PARN: variants seen among roughly 807,000 people sequenced by gnomAD.
The protein encoded by PARN is poly(A)-specific ribonuclease PARN.
PARN carries 71 observed loss-of-function variants against 102.8 expected under a neutral mutation model. The ratio of observed to expected loss-of-function variants is 0.69; its 90% CI spans 0.57 to 0.84. The LOEUF is 0.84. Ranked by LOEUF, PARN falls within the 40% of genes least tolerant of loss-of-function variation. PARN has a pLI of 0.00. For missense variants in PARN, 782 were observed against 760.9 expected, an observed-to-expected ratio of 1.03 and a Z score of -0.33; for synonymous variants, 261 against 252.9, an observed-to-expected ratio of 1.03 and a Z score of -0.30.
chr16:14,622,948 A>G (rs548482357), intron 5 of PARN, among the ~76,000 whole-genome samples: 73 of 152,212 alleles, frequency 4.8e-4, no homozygotes, highest in African/African-American at 1.8e-3. Context: ...TACAAAAAAT[A>G]CAAAAATTAG....
At chr16:14,614,461 C>A (rs145780302) in intron 6 of PARN, among the ~76,000 whole-genome samples, 1 of 152,200 alleles carries the variant, frequency 6.6e-6, no homozygotes, top group Non-Finnish European at 1.5e-5. Context: ...TTATAACACA[C>A]CAAAGCCAAG....
chr16:14,527,250 A>C (rs1260560779), intron 21 of PARN, among the ~76,000 whole-genome samples: 1 of 152,218 alleles, frequency 6.6e-6, no homozygotes, highest in Non-Finnish European at 1.5e-5. Flanking sequence ...GACATGATAA[A>C]TTGAGTTCCC....
chr16:14,571,644 T>C (rs1424992679), intron 18 of PARN, among the ~76,000 whole-genome samples: 1 of 152,184 alleles, frequency 6.6e-6, no homozygotes, highest in East Asian at 1.9e-4. Context: ...GTCAGAGAAG[T>C]GTCTCAAACT....
chr16:14,483,633 T>C (rs1244119717), intron 21 of PARN, among the ~76,000 whole-genome samples: 2 of 152,164 alleles, frequency 1.3e-5, no homozygotes, highest in Non-Finnish European at 2.9e-5. Flanking sequence ...CAAATTAAGA[T>C]AAAGAACATC....
chr16:14,484,178 G>C (rs1963533508), intron 21 of PARN, among the ~76,000 whole-genome samples: 1 of 152,210 alleles, frequency 6.6e-6, no homozygotes. Flanking sequence ...AGCAGTACTT[G>C]AACACTGGGG....
chr16:14,513,997 A>G (rs746437348), intron 21 of PARN, among the ~76,000 whole-genome samples: 16 of 152,152 alleles, frequency 1.1e-4, no homozygotes, highest in Non-Finnish European at 1.0e-4. Context: ...CAAACATTTG[A>G]GCACTAGTGC....
At chr16:14,528,770 T>G (rs763549525) in intron 21 of PARN, among the ~76,000 whole-genome samples, 2 of 152,174 alleles carry the variant, frequency 1.3e-5, no homozygotes, top group Non-Finnish European at 2.9e-5. Flanking sequence ...TCAGGTTACA[T>G]CAAACACCAC....
intron 21 of PARN, among the ~76,000 whole-genome samples, chr16:14,519,586 T>A (rs1307030917): frequency 6.6e-6 from 1 of 152,058 alleles, no homozygotes; most frequent in Non-Finnish European, 1.5e-5. Context: ...AAAGAATTCA[T>A]CGGCCAACCT....
At chr16:14,501,455 A>AAAAAAAAAAAAAAAAAAAAC (rs1964603339) in intron 21 of PARN, 1 of 143,652 alleles carries the variant, frequency 7.0e-6, no homozygotes, top group African/African-American at 2.5e-5. Flanking sequence ...AAAAAAAAAA[A>AAAAAAAAAAAAAAAAAAAAC]AAAAACAGAA....
intron 22 of PARN, among the ~76,000 whole-genome samples, chr16:14,453,485 T>G (rs2151564454): frequency 6.6e-6 from 1 of 152,380 alleles, no homozygotes; most frequent in African/African-American, 2.4e-5. Context: ...TCACTTATTT[T>G]AAATGTACAG....
intron 21 of PARN, among the ~76,000 whole-genome samples, chr16:14,546,710 A>G (rs1966967309): frequency 6.6e-6 from 1 of 152,242 alleles, no homozygotes; most frequent in South Asian, 2.1e-4. Context: ...AAGTTCTACT[A>G]CATTTGAAAT....
intron 21 of PARN, among the ~76,000 whole-genome samples, chr16:14,503,697 CTCAGGGTGGTAGCTA>C (rs1567328877): frequency 6.6e-6 from 1 of 152,214 alleles, no homozygotes; most frequent in Non-Finnish European, 1.5e-5. Context: ...GGTCACCTGC[CTCAGGGTGGTAGCTA>C]TCATTTCCTG....
intron 21 of PARN, among the ~76,000 whole-genome samples, chr16:14,533,481 G>C (rs979050036): frequency 9.3e-5 from 12 of 128,436 alleles, no homozygotes; most frequent in Non-Finnish European, 1.9e-4. Flanking sequence ...GAGAGGGAGA[G>C]GGAGAGGGAG....
chr16:14,559,882 C>G (rs1302049269), intron 18 of PARN, among the ~76,000 whole-genome samples: 1 of 152,188 alleles, frequency 6.6e-6, no homozygotes, highest in Non-Finnish European at 1.5e-5. Flanking sequence ...GACTGCGGCT[C>G]TGGAGAGCGC....
At chr16:14,518,465 A>G (rs533124507) in intron 21 of PARN, among the ~76,000 whole-genome samples, 1 of 152,130 alleles carries the variant, frequency 6.6e-6, no homozygotes, top group Non-Finnish European at 1.5e-5. Context: ...TTGGCTAGCA[A>G]AGCAAAATCC....
At chr16:14,477,666 C>T (rs1005314350) in intron 22 of PARN, among the ~76,000 whole-genome samples, 2 of 151,432 alleles carry the variant, frequency 1.3e-5, no homozygotes, top group Non-Finnish European at 2.9e-5. Flanking sequence ...GTAATCCCAG[C>T]TACTCGGGAG....
intron 13 of PARN, 54 bp downstream of exon 13, chr16:14,593,247 T>G (rs1820361992): frequency 1.1e-6 from 1 of 946,932 alleles, no homozygotes; most frequent in Non-Finnish European, 1.7e-6. Context: ...AATAATATTT[T>G]TTCAGATAAA....
At chr16:14,519,936 C>T (rs961504796) in intron 21 of PARN, among the ~76,000 whole-genome samples, 1 of 152,000 alleles carries the variant, frequency 6.6e-6, no homozygotes, top group Non-Finnish European at 1.5e-5. Flanking sequence ...ATTAACACAG[C>T]CAATAAATCA....
intron 21 of PARN, among the ~76,000 whole-genome samples, chr16:14,539,626 A>C (rs1966763564): frequency 6.6e-6 from 1 of 152,232 alleles, no homozygotes; most frequent in Non-Finnish European, 1.5e-5. Flanking sequence ...GATTTAGAGA[A>C]AAACAAGTCA....
Sources: allele counts gnomAD v4.1 joint callset (sites outside exome capture counted in the v4.1 genomes callset), GRCh38; gene constraint gnomAD v4.1.1; transcripts MANE v1.5; gene names NCBI Gene and HGNC (gene_info 2026-07-23, HGNC 2026-07-21).